Variants in BTBD9 observed in about 807,000 individuals in gnomAD.
The protein encoded by BTBD9 is BTB domain containing 9.
A neutral mutation model predicts 64.3 loss-of-function variants in BTBD9; 49 were observed. The observed-to-expected ratio is 0.76, with a 90% CI of 0.61 to 0.97. The LOEUF (loss-of-function observed/expected upper bound fraction) is 0.97. Among genes scored for constraint, BTBD9 ranks in the 50% least tolerant of loss-of-function variants. The probability of loss-of-function intolerance (pLI) is 0.00; values close to 1 mark genes in which losing one functional copy is unlikely to be tolerated. For missense variants in BTBD9, 598 were observed against 762.1 expected, an observed-to-expected ratio of 0.78 and a Z score of 2.53; for synonymous variants, 260 against 274.7, an observed-to-expected ratio of 0.95 and a Z score of 0.53.
chr6:38,240,338 T>C (rs1030829538), intron 9 of BTBD9, among the ~76,000 whole-genome samples: 4 of 152,162 alleles, frequency 2.6e-5, no homozygotes, highest in African/African-American at 9.7e-5. Flanking sequence ...CTGAGCCAAT[T>C]GGGAAGGCTT....
chr6:38,567,422 ATAAG>A (rs1372857547), intron 6 of BTBD9, among the ~76,000 whole-genome samples: 2 of 152,216 alleles, frequency 1.3e-5, no homozygotes, highest in Non-Finnish European at 2.9e-5. Context: ...AATTTGAAAC[ATAAG>A]TAAGGCCGCT....
At chr6:38,531,504 C>T (rs567220586) in intron 6 of BTBD9, among the ~76,000 whole-genome samples, 39 of 152,198 alleles carry the variant, frequency 2.6e-4, no homozygotes, top group Middle Eastern at 6.8e-3. Flanking sequence ...TCTGAAGGTA[C>T]AAAACTCACC....
At chr6:38,487,601 G>A (rs918931763) in intron 6 of BTBD9, among the ~76,000 whole-genome samples, 1 of 145,114 alleles carries the variant, frequency 6.9e-6, no homozygotes, top group African/African-American at 2.7e-5. Flanking sequence ...GCGAGAGAGA[G>A]AGAGAGAGAG....
At chr6:38,499,130 G>C in intron 6 of BTBD9, among the ~76,000 whole-genome samples, 1 of 150,540 alleles carries the variant, frequency 6.6e-6, no homozygotes, top group Middle Eastern at 3.2e-3. Flanking sequence ...TTGACAGGAG[G>C]TTAAGCAATA....
chr6:38,315,886 C>T (rs1014268158), intron 7 of BTBD9, among the ~76,000 whole-genome samples: 7 of 152,126 alleles, frequency 4.6e-5, no homozygotes, highest in Admixed American at 1.3e-4. Context: ...TCTAAATGAT[C>T]GGTCCAATGC....
chr6:38,259,266 T>C (rs1764712294), intron 8 of BTBD9, among the ~76,000 whole-genome samples: 1 of 152,254 alleles, frequency 6.6e-6, no homozygotes, highest in Non-Finnish European at 1.5e-5. Flanking sequence ...AAGTAGCTTG[T>C]ATTATTTTCC....
chr6:38,229,033 C>T (rs546881084), intron 9 of BTBD9, among the ~76,000 whole-genome samples: 2 of 151,876 alleles, frequency 1.3e-5, no homozygotes, highest in South Asian at 4.2e-4. Context: ...CCCGTCTCTA[C>T]TAAAAATACA....
intron 6 of BTBD9, among the ~76,000 whole-genome samples, chr6:38,532,203 G>A (rs549664615): frequency 6.6e-6 from 1 of 152,220 alleles, no homozygotes; most frequent in South Asian, 2.1e-4. Context: ...AACAAAACTG[G>A]GCTGAACTCA....
intron 6 of BTBD9, among the ~76,000 whole-genome samples, chr6:38,465,089 C>T (rs1770282509): frequency 6.6e-6 from 1 of 151,298 alleles, no homozygotes; most frequent in South Asian, 2.1e-4. Flanking sequence ...TTCAGGAGTT[C>T]AAGACCAGCC....
intron 6 of BTBD9, among the ~76,000 whole-genome samples, chr6:38,435,613 T>TCCTC (rs1562182404): frequency 2.5e-3 from 1 of 404 alleles, no homozygotes; most frequent in African/African-American, 6.7e-3. Context: ...CTTCCTTCCT[T>TCCTC]CCCTCCCCCT....
chr6:38,365,089 ATATAT>A (rs1765134325), intron 6 of BTBD9, among the ~76,000 whole-genome samples: 1 of 152,046 alleles, frequency 6.6e-6, no homozygotes, highest in East Asian at 2.0e-4. Context: ...GTTTGTAATA[ATATAT>A]TATAATATTT....
chr6:38,604,543 T>C (rs1777360698), intron 1 of BTBD9, among the ~76,000 whole-genome samples: 1 of 152,176 alleles, frequency 6.6e-6, no homozygotes, highest in Non-Finnish European at 1.5e-5. Context: ...TCTCTACTTT[T>C]GAAGAACTCA....
chr6:38,361,055 T>C lies in BTBD9; in HGVS notation c.1155-15962A>G, dbSNP rs116056428. ...GTGCCTCTGTGAATCTGTTCAAGCA[T>C]TGAGGGGTCTGGATCAGTGTTTCTT... On this transcript the variant is annotated intron_variant, in intron 6 of 10. Coordinates refer to ENST00000481247, the MANE Select transcript of BTBD9 (RefSeq NM_001099272.2). Among the ~76,000 whole-genome samples, 699 of 152,220 alleles carry C rather than the reference T, an allele frequency of 4.6e-3. 6 individuals carry two copies. The highest frequency in any genetic ancestry group is 0.016 in the African/African-American group (660 of 41,520).
At chr6:38,630,946 C>T (rs1194819729) in intron 1 of BTBD9, among the ~76,000 whole-genome samples, 2 of 152,200 alleles carry the variant, frequency 1.3e-5, no homozygotes, top group Admixed American at 6.5e-5. Context: ...AATTGAAACA[C>T]GTGCCTTCAG....
chr6:38,515,289 G>C (rs562266597), intron 6 of BTBD9, among the ~76,000 whole-genome samples: 3 of 152,254 alleles, frequency 2.0e-5, no homozygotes, highest in Admixed American at 2.0e-4. Flanking sequence ...TCTTATTCAA[G>C]GCTTTCTTTC....
intron 6 of BTBD9, among the ~76,000 whole-genome samples, chr6:38,552,180 C>A (rs16890811): frequency 1.3e-5 from 2 of 152,156 alleles, no homozygotes; most frequent in East Asian, 3.9e-4. Context: ...TTAAGGGCCT[C>A]TATCTTAAGT....
chr6:38,424,902 G>C (rs1398995842), intron 6 of BTBD9, among the ~76,000 whole-genome samples: 1 of 151,658 alleles, frequency 6.6e-6, no homozygotes, highest in Admixed American at 6.6e-5. Context: ...GCAGTGGCAC[G>C]ATATCGGCTT....
chr6:38,327,808 T>C (rs990280359), intron 7 of BTBD9, among the ~76,000 whole-genome samples: 7 of 152,230 alleles, frequency 4.6e-5, no homozygotes, highest in Admixed American at 3.3e-4. Flanking sequence ...AGTACATATT[T>C]TTTCATTTGG....
intron 6 of BTBD9, among the ~76,000 whole-genome samples, chr6:38,483,335 C>T (rs762468977): frequency 2.0e-4 from 31 of 151,994 alleles, no homozygotes; most frequent in Non-Finnish European, 3.7e-4. Flanking sequence ...CTCCTCATAC[C>T]GAAAGACTGA....
Sources: gnomAD v4.1 joint callset for allele counts (sites outside exome capture counted in the v4.1 genomes callset) on GRCh38, gnomAD v4.1.1 for gene constraint, MANE v1.5 for transcripts, NCBI Gene and HGNC (gene_info 2026-07-23, HGNC 2026-07-21) for gene names.